ROBO2: variants seen among roughly 807,000 people sequenced by gnomAD.
ROBO2 encodes roundabout homolog 2.
In ROBO2, 53 loss-of-function variants were observed where a neutral mutation model predicts 160.8. The ratio of observed to expected loss-of-function variants is 0.33; its 90% CI spans 0.26 to 0.41. The LOEUF is 0.41. ROBO2 is among the 10% of genes least tolerant of loss of function. ROBO2 has a pLI of 1.00. For missense variants in ROBO2, 1,577 were observed against 1,722.4 expected, an observed-to-expected ratio of 0.92 and a Z score of 1.49; for synonymous variants, 664 against 611.7, an observed-to-expected ratio of 1.09 and a Z score of -1.26.
At chr3:77,307,172 C>T (rs1376454380) in intron 2 of ROBO2, among the ~76,000 whole-genome samples, 2 of 152,274 alleles carry the variant, frequency 1.3e-5, no homozygotes, top group African/African-American at 2.4e-5. Context: ...TACATGCATC[C>T]TGGCCTCGTT....
intron 2 of ROBO2, among the ~76,000 whole-genome samples, chr3:77,443,511 A>C (rs1224638505): frequency 6.6e-6 from 1 of 152,200 alleles, no homozygotes; most frequent in Non-Finnish European, 1.5e-5. Flanking sequence ...ACCATGAAAC[A>C]GTATGTCAAA....
intron 1 of ROBO2, among the ~76,000 whole-genome samples, chr3:77,094,780 C>T (rs940887823): frequency 1.3e-5 from 2 of 152,104 alleles, no homozygotes; most frequent in Non-Finnish European, 2.9e-5. Context: ...TTTCTAATAG[C>T]TAATGATGTT....
intron 2 of ROBO2, among the ~76,000 whole-genome samples, chr3:76,625,257 C>T (rs75145945): frequency 4.7e-4 from 5 of 10,746 alleles, no homozygotes; most frequent in Non-Finnish European, 3.2e-4. Context: ...GAAACCACGG[C>T]TTTTTTTCAT....
At chr3:76,402,610 T>A (rs2077899765) in intron 2 of ROBO2, among the ~76,000 whole-genome samples, 1 of 151,552 alleles carries the variant, frequency 6.6e-6, no homozygotes, top group Non-Finnish European at 1.5e-5. Flanking sequence ...GAAGAACCCG[T>A]TTCCTACTGA....
chr3:76,522,831 A>C lies in ROBO2; in HGVS notation c.110-575183A>C, dbSNP rs372235503. 2.9e-4 allele frequency among the ~76,000 whole-genome samples: 44 copies of C among 152,058 alleles called. 2 individuals carry two copies. Among genetic ancestry groups the C allele is most frequent in the South Asian group, 2.7e-3 (13 of 4,824 alleles). ...CTCCAATTTTATCCTGAAATGAACTAAACTAAGTATCATCAAATGGTGGCT... is the reference window on the plus strand; with the variant it reads ...CTCCAATTTTATCCTGAAATGAACTCAACTAAGTATCATCAAATGGTGGCT... On this transcript the variant is annotated intron_variant, in intron 2 of 26. Transcript: ENST00000487694.
chr3:77,030,456 A>C (rs1268024873), intron 2 of ROBO2, among the ~76,000 whole-genome samples: 1 of 152,192 alleles, frequency 6.6e-6, no homozygotes, highest in East Asian at 1.9e-4. Context: ...GTATGTACAA[A>C]GTTTCCTATT....
intron 2 of ROBO2, among the ~76,000 whole-genome samples, chr3:76,243,934 T>C (rs1705460718): frequency 6.6e-6 from 1 of 152,186 alleles, no homozygotes; most frequent in African/African-American, 2.4e-5. Flanking sequence ...TTTTCTTTTT[T>C]TTTAATTTGG....
chr3:76,357,425 A>C (rs3860545), intron 2 of ROBO2, among the ~76,000 whole-genome samples: 18,016 of 151,958 alleles, frequency 0.12, 2,115 homozygotes, highest in East Asian at 0.42. Context: ...AATGTAAAGA[A>C]AAGACAACAG....
intron 2 of ROBO2, among the ~76,000 whole-genome samples, chr3:76,351,849 A>G (rs1232272627): frequency 6.6e-6 from 1 of 151,968 alleles, no homozygotes; most frequent in Non-Finnish European, 1.5e-5. Context: ...CTTCATTTAT[A>G]AAAGAGGGAT....
chr3:77,022,509 T>C (rs2062701428), intron 2 of ROBO2, among the ~76,000 whole-genome samples: 1 of 152,254 alleles, frequency 6.6e-6, no homozygotes, highest in Non-Finnish European at 1.5e-5. Context: ...TATTAGATCG[T>C]ATGCTTTCTG....
chr3:76,906,546 A>G (rs2075617536), intron 2 of ROBO2, among the ~76,000 whole-genome samples: 1 of 151,550 alleles, frequency 6.6e-6, no homozygotes, highest in African/African-American at 2.4e-5. Context: ...AGTATGTAAT[A>G]TATATATATA....
chr3:76,316,555 T>G (rs1362743145), intron 2 of ROBO2, among the ~76,000 whole-genome samples: 1 of 152,208 alleles, frequency 6.6e-6, no homozygotes, highest in Non-Finnish European at 1.5e-5. Flanking sequence ...ACTGATATCA[T>G]ATTGTTGAAA....
intron 2 of ROBO2, among the ~76,000 whole-genome samples, chr3:76,800,801 G>T (rs1368437592): frequency 6.6e-6 from 1 of 152,110 alleles, no homozygotes; most frequent in Non-Finnish European, 1.5e-5. Flanking sequence ...AGCCACTGCG[G>T]AGAACAGTAT....
intron 24 of ROBO2, 124 bp downstream of exon 25, chr3:77,635,167 T>G: frequency 1.1e-6 from 1 of 941,602 alleles, no homozygotes; most frequent in Non-Finnish European, 1.7e-6. Context: ...GACAAAAACC[T>G]GGCAATATGG....
intron 8 of ROBO2, among the ~76,000 whole-genome samples, chr3:77,551,679 G>C (rs2092926200): frequency 6.6e-6 from 1 of 151,906 alleles, no homozygotes; most frequent in Admixed American, 6.6e-5. Context: ...ATTCTTTGAT[G>C]TCTTAAACTG....
chr3:77,216,132 C>A lies in ROBO2; in HGVS notation c.388+117792C>A, dbSNP rs2084908482. On this transcript the variant is annotated intron_variant, in intron 2 of 25. Transcript: ENST00000461745. ...TGTCAGACAGGGACATTTAAGTCTG[C>A]AGAGGTTTCTGCTGCCTTTTGTCTG... Among the ~76,000 whole-genome samples, 3 of 152,174 alleles carry A rather than the reference C, an allele frequency of 2.0e-5. No homozygotes were observed. In the South Asian group the frequency reaches 6.2e-4, roughly 32 times the overall value.
intron 2 of ROBO2, among the ~76,000 whole-genome samples, chr3:76,932,440 A>ACACACG (rs2077408882): frequency 6.6e-6 from 1 of 151,922 alleles, no homozygotes; most frequent in South Asian, 2.1e-4. Context: ...ACACACACAC[A>ACACACG]CATACACGTG....
chr3:77,172,360 G>T lies in ROBO2; in HGVS notation c.388+74020G>T, dbSNP rs535303619. On this transcript the variant is annotated intron_variant, in intron 2 of 25. Transcript: ENST00000461745. ...GTGGCATCCATGACTTACATCAGAT[G>T]TATTTCTTTTTTTGTGAGAATTATT... is the stretch of plus-strand genomic sequence containing the variant. 7.9e-5 allele frequency among the ~76,000 whole-genome samples: 12 copies of T among 152,154 alleles called. No homozygotes were observed. The East Asian group carries it at 2.3e-3, about 29-fold the overall frequency.
chr3:76,201,977 G>A (rs2220911), intron 2 of ROBO2, among the ~76,000 whole-genome samples: 1 of 150,080 alleles, frequency 6.7e-6, no homozygotes, highest in African/African-American at 2.5e-5. Context: ...CTAATAAAAC[G>A]CCAAACAAGA....
Sources: gnomAD v4.1 joint callset for allele counts (sites outside exome capture counted in the v4.1 genomes callset) on GRCh38, gnomAD v4.1.1 for gene constraint, MANE v1.5 for transcripts, NCBI Gene and HGNC (gene_info 2026-07-23, HGNC 2026-07-21) for gene names.